SLC26A5: variants seen among roughly 807,000 people sequenced by gnomAD.
SLC26A5 encodes the protein solute carrier family 26 member 5, also known as prestin.
Under a neutral mutation model 81.0 loss-of-function variants are expected in SLC26A5, and 51 were observed. That is an observed-to-expected ratio of 0.63 (90% CI 0.50 to 0.80). The LOEUF is 0.80. SLC26A5 is among the 30% of genes least tolerant of loss of function. The pLI, the probability that SLC26A5 is intolerant of heterozygous loss-of-function variation, is 0.00. For missense variants in SLC26A5, 771 were observed against 905.8 expected (o/e 0.85, Z 1.91); for synonymous variants, 325 against 332.8 (o/e 0.98, Z 0.25).
At chr7:103,381,703 C>T (rs531471993) in intron 14 of SLC26A5, among the ~76,000 whole-genome samples, 2 of 149,752 alleles carry the variant, frequency 1.3e-5, no homozygotes, top group East Asian at 4.0e-4. Context: ...GCATACATAC[C>T]CCCACTACAT....
chr7:103,438,990 A>C (rs1214789108), intron 2 of SLC26A5, among the ~76,000 whole-genome samples: 1 of 152,252 alleles, frequency 6.6e-6, no homozygotes, highest in Non-Finnish European at 1.5e-5. Flanking sequence ...CATAGGTTCA[A>C]CTATGCTCAA....
chr7:103,390,866 T>G (rs1822585981), intron 11 of SLC26A5, among the ~76,000 whole-genome samples: 1 of 123,844 alleles, frequency 8.1e-6, no homozygotes, highest in African/African-American at 2.8e-5. Flanking sequence ...GGCCATTTAC[T>G]TTTTTTTTTT....
At chr7:103,353,118 C>G (rs578247218) in intron 19 of SLC26A5, among the ~76,000 whole-genome samples, 2 of 151,972 alleles carry the variant, frequency 1.3e-5, no homozygotes, top group African/African-American at 4.8e-5. Flanking sequence ...ACTTGAAATC[C>G]CAGATAACCA....
At chr7:103,441,463 T>A (rs371633551) in intron 2 of SLC26A5, among the ~76,000 whole-genome samples, 1 of 152,198 alleles carries the variant, frequency 6.6e-6, no homozygotes, top group Admixed American at 6.5e-5. Flanking sequence ...AGGTAAACAA[T>A]GTGCTCTTTT....
At position 103,398,011 on chromosome 7, in the gene SLC26A5, C is replaced by T. The variant is rs375693784; in HGVS notation, c.892G>A (p.Val298Ile). The T allele has an allele frequency of 2.9e-5, 47 of 1,613,446 alleles. 1 individual carries two copies. The highest frequency in any genetic ancestry group is 1.7e-4 in the African/African-American group (13 of 74,888). ...APIPLEFFAV[V>I]MGTGISAGFN... Reference sequence around the variant, plus strand: ...CCAGCTGAAATGCCAGTTCCCATTACGACCTAAAAAGACACAAATCCAAAT... The same window carrying T: ...CCAGCTGAAATGCCAGTTCCCATTATGACCTAAAAAGACACAAATCCAAAT... Residue 298 changes from valine to isoleucine, a missense_variant, in exon 9 of 20, where the codon GTA becomes ATA. Val to Ile is a conservative substitution (Grantham distance 29). Coordinates refer to ENST00000306312, the MANE Select transcript of SLC26A5 (RefSeq NM_198999.3).
intron 8 of SLC26A5, among the ~76,000 whole-genome samples, chr7:103,399,838 G>C (rs1823434718): frequency 6.6e-6 from 1 of 152,176 alleles, no homozygotes; most frequent in Non-Finnish European, 1.5e-5. Context: ...TTCTGTTCCT[G>C]TGTTAGTTTG....
chr7:103,353,509 G>A (rs1046219318), intron 19 of SLC26A5, among the ~76,000 whole-genome samples: 2 of 152,158 alleles, frequency 1.3e-5, no homozygotes, highest in South Asian at 2.1e-4. Flanking sequence ...GTTTCGCCAG[G>A]TTGGCTAGGC....
intron 1 of SLC26A5, among the ~76,000 whole-genome samples, chr7:103,443,697 A>G (rs1413575170): frequency 6.6e-6 from 1 of 152,228 alleles, no homozygotes; most frequent in African/African-American, 2.4e-5. Flanking sequence ...ATTCCTTCCC[A>G]TTCACAGAAT....
At chr7:103,371,411 G>A (rs904499731), downstream of SLC26A5, among the ~76,000 whole-genome samples, 3 of 149,416 alleles carry the variant, frequency 2.0e-5, no homozygotes, top group Admixed American at 1.3e-4. Context: ...TGCAAGCTCC[G>A]CCTCCCGGGT....
At chr7:103,365,404 G>T (rs905235070) in intron 19 of SLC26A5, among the ~76,000 whole-genome samples, 1 of 152,120 alleles carries the variant, frequency 6.6e-6, no homozygotes, top group Non-Finnish European at 1.5e-5. Flanking sequence ...GGCAGAGGCA[G>T]GCGGATCACC....
Position 103,367,838 on chromosome 7 carries a change from C to A in SLC26A5, c.2041+8970G>T, listed in dbSNP as rs369296808. ...AGTAGAAAGTTCTTGCTTATATTTG[C>A]TGGTCTGTCTGCTCAGGCTGCTTTA... On this transcript the variant is annotated intron_variant, in intron 19 of 19. Transcript: ENST00000339444. The surrounding 1 kb of genome is among the most constrained non-coding windows in gnomAD (Gnocchi z 6.1). 1.9e-5 allele frequency: 31 copies of A among 1,611,810 alleles called. No homozygotes were observed. The African/African-American group carries it at 3.6e-4, about 19-fold the overall frequency.
chr7:103,411,672 G>T, intron 5 of SLC26A5, 86 bp from the exon 6 acceptor site: 1 of 1,460,754 alleles, frequency 6.8e-7, no homozygotes, highest in Non-Finnish European at 9.6e-7. Flanking sequence ...ACAAAGGTGA[G>T]GTCAAGAAAT....
rs780044234 is a variant in SLC26A5, at chr7:103,407,863, T to C, written c.876A>G (p.Leu292=). Residue 292 remains leucine, a synonymous_variant, in exon 8 of 20, where the codon TTA becomes TTG. Transcript: ENST00000306312. ...FKEKLPAPIP[L]EFFAVVMGTG... is the part of the protein sequence containing the mutation. ...GAAGGTGACTTACCGCAAAGAACTC[T>C]AAAGGAATAGGCGCCGGCAATTTCT... is the stretch of plus-strand genomic sequence containing the variant. 14 of 1,614,020 alleles carry C rather than the reference T, an allele frequency of 8.7e-6. No homozygotes were observed. The East Asian group carries it at 3.1e-4, about 36-fold the overall frequency.
At chr7:103,406,282 G>A (rs1050157362) in intron 8 of SLC26A5, among the ~76,000 whole-genome samples, 3 of 152,166 alleles carry the variant, frequency 2.0e-5, no homozygotes, top group African/African-American at 4.8e-5. Flanking sequence ...CCAGTTTTGT[G>A]CTTGAAATCC....
chr7:103,443,995 T>C (rs1265492545), intron 1 of SLC26A5, among the ~76,000 whole-genome samples: 2 of 152,202 alleles, frequency 1.3e-5, no homozygotes, highest in East Asian at 1.9e-4. Context: ...CATAATCCTC[T>C]AGAATACAAT....
At chr7:103,359,324 C>T (rs921551258) in intron 19 of SLC26A5, among the ~76,000 whole-genome samples, 1 of 151,570 alleles carries the variant, frequency 6.6e-6, no homozygotes, top group Non-Finnish European at 1.5e-5. Flanking sequence ...TAATAACAAT[C>T]TTACTGATAT....
At chr7:103,364,031 A>T in intron 19 of SLC26A5, 1 of 987,346 alleles carries the variant, frequency 1.0e-6, no homozygotes, top group Non-Finnish European at 1.5e-6. Flanking sequence ...TAAATATTAA[A>T]GTATGGTTTT....
chr7:103,394,380 G>A (rs934796194), intron 9 of SLC26A5, among the ~76,000 whole-genome samples: 2 of 152,164 alleles, frequency 1.3e-5, no homozygotes, highest in African/African-American at 2.4e-5. Context: ...CAAACCTGGG[G>A]GGTCTGGCTA....
chr7:103,424,938 C>T (rs766997618), intron 2 of SLC26A5, among the ~76,000 whole-genome samples: 4 of 152,170 alleles, frequency 2.6e-5, no homozygotes, highest in East Asian at 1.9e-4. Flanking sequence ...TGGATGTAAG[C>T]GTGTGTCTCT....
Sources: allele counts gnomAD v4.1 joint callset (sites outside exome capture counted in the v4.1 genomes callset), GRCh38; gene constraint gnomAD v4.1.1; non-coding constraint Gnocchi (gnomAD v3.1); transcripts MANE v1.5; gene names NCBI Gene and HGNC (gene_info 2026-07-23, HGNC 2026-07-21).